CARMIL1: variants seen among roughly 807,000 people sequenced by gnomAD.
CARMIL1 encodes capping protein regulator and myosin 1 linker 1, also known as F-actin-uncapping protein LRRC16A.
A neutral mutation model predicts 177.1 loss-of-function variants in CARMIL1; 90 were observed. The ratio of observed to expected loss-of-function variants is 0.51; its 90% CI spans 0.43 to 0.61. The LOEUF is 0.61. Ranked by LOEUF, CARMIL1 falls within the 20% of genes least tolerant of loss-of-function variation. CARMIL1 has a pLI of 0.00. For missense variants in CARMIL1, 1,380 were observed against 1,667.0 expected (o/e 0.83, Z 3.00); for synonymous variants, 577 against 606.2 (o/e 0.95, Z 0.71).
intron 23 of CARMIL1, 134 bp downstream of exon 23, chr6:25,520,471 T>C (rs1001455934): frequency 2.2e-4 from 127 of 588,622 alleles, no homozygotes; most frequent in African/African-American, 2.0e-3. Context: ...CATTGTCTTA[T>C]GTTCTTATGA....
chr6:25,572,913 G>A (rs1266692200), intron 29 of CARMIL1, among the ~76,000 whole-genome samples: 1 of 152,066 alleles, frequency 6.6e-6, no homozygotes, highest in Admixed American at 6.6e-5. Context: ...GGTAACAATG[G>A]TTGGTACTAG....
intron 4 of CARMIL1, among the ~76,000 whole-genome samples, chr6:25,428,068 G>A (rs970512169): frequency 6.6e-6 from 1 of 152,104 alleles, no homozygotes; most frequent in Non-Finnish European, 1.5e-5. Context: ...TGTGCTTTTA[G>A]TATCATATTG....
rs185113474 is a variant in CARMIL1 at position 25,481,654 on chromosome 6, T to C, written c.875-603T>C. On this transcript the variant is annotated intron_variant, in intron 11 of 36. Transcript: ENST00000329474. ...GATGGGTGAGCTGGTGTTCCCAATCTCCCACTCTGGTTATTAAATTTAGAA... is the reference window on the plus strand; with the variant it reads ...GATGGGTGAGCTGGTGTTCCCAATCCCCCACTCTGGTTATTAAATTTAGAA... Among the ~76,000 whole-genome samples the C allele has an allele frequency of 3.9e-5, 6 of 152,256 alleles. No homozygotes were observed. In the East Asian group the frequency reaches 7.7e-4, roughly 20 times the overall value.
intron 22 of CARMIL1, among the ~76,000 whole-genome samples, chr6:25,518,624 G>A (rs759075631): frequency 6.6e-6 from 1 of 152,158 alleles, no homozygotes; most frequent in Non-Finnish European, 1.5e-5. Context: ...TTTACACTGA[G>A]CTGCATCTGG....
chr6:25,459,474 A>G (rs1433617268), intron 8 of CARMIL1, among the ~76,000 whole-genome samples: 1 of 150,662 alleles, frequency 6.6e-6, no homozygotes, highest in Non-Finnish European at 1.5e-5. Context: ...CTGGTCATGA[A>G]CTCCTGGGCA....
chr6:25,483,169 G>A (rs1028334309), intron 12 of CARMIL1, among the ~76,000 whole-genome samples: 1 of 152,124 alleles, frequency 6.6e-6, no homozygotes, highest in African/African-American at 2.4e-5. Context: ...CTTGTGGCCT[G>A]TGCTTCTCTC....
chr6:25,530,927 A>G (rs1042759866), intron 24 of CARMIL1, among the ~76,000 whole-genome samples: 7 of 152,222 alleles, frequency 4.6e-5, no homozygotes, highest in African/African-American at 1.7e-4. Flanking sequence ...TAAATTTTTA[A>G]TGTTAGACAA....
intron 8 of CARMIL1, among the ~76,000 whole-genome samples, chr6:25,459,250 CTTTCTTTCTTTCTTT>C (rs1799847894): frequency 8.9e-6 from 1 of 111,944 alleles, no homozygotes; most frequent in Non-Finnish European, 1.8e-5. Flanking sequence ...TTCTTTCTTT[CTTTCTTTCTTTCTTT>C]CTTTTTTTTT....
At chr6:25,349,986 T>C (rs1272670955) in intron 2 of CARMIL1, among the ~76,000 whole-genome samples, 1 of 151,902 alleles carries the variant, frequency 6.6e-6, no homozygotes, top group Admixed American at 6.6e-5. Flanking sequence ...CTTAGCCTCC[T>C]AAAGTGCTGG....
chr6:25,367,464 G>T (rs1789944972), intron 2 of CARMIL1, among the ~76,000 whole-genome samples: 1 of 152,000 alleles, frequency 6.6e-6, no homozygotes, highest in Non-Finnish European at 1.5e-5. Flanking sequence ...TTGCTGCTGT[G>T]TCTGGAAGGA....
rs150540335 is a variant in CARMIL1 at position 25,456,013 on chromosome 6, C to T, written c.614+5302C>T. Among the ~76,000 whole-genome samples, 349 of 152,196 alleles carry T rather than the reference C, an allele frequency of 2.3e-3. 4 individuals are homozygous for T. The highest frequency in any genetic ancestry group is 0.022 in the Admixed American group (330 of 15,292). On this transcript the variant is annotated intron_variant, in intron 8 of 36. Transcript: ENST00000329474. ...CAAGAGCCCCTACTACTGTCCTCAC[C>T]CCTCTGATTTGCCTAGGATCTGCTC...
At chr6:25,361,758 G>T (rs551209511) in intron 2 of CARMIL1, among the ~76,000 whole-genome samples, 1 of 152,216 alleles carries the variant, frequency 6.6e-6, no homozygotes, top group South Asian at 2.1e-4. Context: ...AGGTCATCAG[G>T]GGGGTTCCCA....
chr6:25,468,512 G>A (rs1434964601), intron 9 of CARMIL1, among the ~76,000 whole-genome samples: 4 of 152,206 alleles, frequency 2.6e-5, no homozygotes, highest in Non-Finnish European at 5.9e-5. Flanking sequence ...GCAAGCTCCT[G>A]GAGAGCCACT....
chr6:25,374,443 T>C lies in CARMIL1; in HGVS notation c.139-45671T>C, dbSNP rs112500738. Among the ~76,000 whole-genome samples the C allele has an allele frequency of 2.6e-3, 394 of 152,344 alleles. 2 individuals are homozygous for C. Among genetic ancestry groups the C allele is most frequent in the African/African-American group, 8.8e-3 (366 of 41,580 alleles). ...TTATCAAGGCTTGTTTTGTGGCCTA[T>C]CATATGATGTGTCTTGGAGAATGGT... is the stretch of plus-strand genomic sequence containing the variant. On this transcript the variant is annotated intron_variant, in intron 2 of 36. Coordinates refer to ENST00000329474, the MANE Select transcript of CARMIL1 (RefSeq NM_017640.6).
At chr6:25,379,386 A>G (rs1030351987) in intron 2 of CARMIL1, among the ~76,000 whole-genome samples, 1 of 152,184 alleles carries the variant, frequency 6.6e-6, no homozygotes, top group Admixed American at 6.5e-5. Context: ...ATCTTTGAGA[A>G]TGGGTCCCTC....
In CARMIL1 at chr6:25,554,083, G is replaced by T; in HGVS notation, c.2579G>T (p.Cys860Phe). ...VDEILDALSH[C>F]HHKLADHFSR... ...GAAATCCTGGATGCACTCTCACATT[G>T]CCATCATAAACTGGTGAGTGCTGTG... Residue 860 changes from cysteine to phenylalanine, a missense_variant, in exon 28 of 37, where the codon TGC becomes TTC. Transcript: ENST00000329474. The surrounding 1 kb of genome is among the most constrained non-coding windows in gnomAD (Gnocchi z 4.6). The T allele has an allele frequency of 6.3e-7, 1 of 1,592,888 alleles. No individual in the cohort carries two copies. Among genetic ancestry groups the T allele is most frequent in the Non-Finnish European group, 8.6e-7 (1 of 1,168,824 alleles).
At position 25,390,893 on chromosome 6, in the gene CARMIL1, G is replaced by T. The variant is rs377718089; in HGVS notation, c.139-29221G>T. Among the ~76,000 whole-genome samples the T allele has an allele frequency of 3.1e-3, 466 of 152,216 alleles. 1 individual carries two copies. The highest frequency in any genetic ancestry group is 0.01 in the African/African-American group (428 of 41,518). ...ATTTTTGTACTTTTAGTAGAGATGG[G>T]GTTTCACCATGTTGGCCAGGCTGGT... On this transcript the variant is annotated intron_variant, in intron 2 of 36. Transcript: ENST00000329474.
At chr6:25,584,211 AT>A (rs970534794) in intron 31 of CARMIL1, among the ~76,000 whole-genome samples, 113 of 147,546 alleles carry the variant, frequency 7.7e-4, no homozygotes, top group African/African-American at 2.6e-3. Flanking sequence ...TTATTTAAAT[AT>A]TTTTTTTTGT....
intron 2 of CARMIL1, among the ~76,000 whole-genome samples, chr6:25,307,770 G>A (rs1480337605): frequency 6.6e-6 from 1 of 152,182 alleles, no homozygotes; most frequent in Non-Finnish European, 1.5e-5. Context: ...TCTTTATTTT[G>A]TTTAGATACT....
Sources: allele counts gnomAD v4.1 joint callset (sites outside exome capture counted in the v4.1 genomes callset), GRCh38; gene constraint gnomAD v4.1.1; non-coding constraint Gnocchi (gnomAD v3.1); transcripts MANE v1.5; gene names NCBI Gene and HGNC (gene_info 2026-07-23, HGNC 2026-07-21).